Variants in CTDSP2 observed in about 807,000 individuals in gnomAD.
CTDSP2 encodes the protein CTD small phosphatase 2.
A neutral mutation model predicts 31.6 loss-of-function variants in CTDSP2; 9 were observed. The observed-to-expected ratio is 0.28, with a 90% CI of 0.17 to 0.50. The LOEUF (loss-of-function observed/expected upper bound fraction) is 0.50. Ranked by LOEUF, CTDSP2 falls within the 20% of genes least tolerant of loss-of-function variation. The probability of loss-of-function intolerance (pLI) is 0.98; values close to 1 mark genes in which losing one functional copy is unlikely to be tolerated. For synonymous variants in CTDSP2, 134 were observed against 134.5 expected (o/e 1.00, Z 0.03); for missense variants, 267 against 348.5 (o/e 0.77, Z 1.86).
intron 3 of CTDSP2, 64 bp downstream of exon 3, chr12:57,827,488 C>T (rs779954557): frequency 6.5e-6 from 10 of 1,549,972 alleles, no homozygotes; most frequent in South Asian, 3.3e-5. Context: ...TCACCCTGCC[C>T]GTGGAGCTGG....
At position 57,829,518 on chromosome 12, in the gene CTDSP2, T is replaced by C. The variant is rs1242585123; in HGVS notation, c.143A>G (p.Gln48Arg). 2 of 1,614,170 alleles carry C rather than the reference T, an allele frequency of 1.2e-6. No homozygotes were observed. Among genetic ancestry groups the C allele is most frequent in the Non-Finnish European group, 8.5e-7 (1 of 1,180,026 alleles). The stretch of plus-strand genomic sequence containing the variant: ...GGAGGAACTTGACTGGCCAACATGC[T>C]GGGCGCGAAAACAGCAGAAAAGGGC... Reference protein sequence around the residue: ...FKALFCCFRAQHVGQSSSSTE... With the variant: ...FKALFCCFRARHVGQSSSSTE... Residue 48 changes from glutamine to arginine, a missense_variant, in exon 2 of 8, where the codon CAG becomes CGG. Physicochemically the swap from Gln to Arg is conservative, Grantham distance 43. Transcript: ENST00000398073.
rs1956136700 is a variant in CTDSP2 at position 57,820,294 on chromosome 12, T to C, written c.*3308A>G. ...CCTCTTCCCTGGCTGAATGTAAATA[T>C]TTACCAGCATTTAGAAAAAAGGAGA... On this transcript the variant is annotated 3_prime_UTR_variant, in exon 8 of 8. Coordinates refer to ENST00000398073, the MANE Select transcript of CTDSP2 (RefSeq NM_005730.4). The C allele has an allele frequency of 1.3e-5, 2 of 152,304 alleles. No individual in the cohort carries two copies. The highest frequency in any genetic ancestry group is 1.3e-4 in the Admixed American group (2 of 15,298). The allele number at this position is 152,304 out of a possible 1,614,324, so 9.4% of individuals were successfully genotyped here.
rs769447012 is a variant in CTDSP2 at position 57,824,259 on chromosome 12, C to T, written c.472G>A (p.Glu158Lys). The T allele has an allele frequency of 3.7e-6, 6 of 1,614,094 alleles. No individual in the cohort carries two copies. Among genetic ancestry groups the T allele is most frequent in the Non-Finnish European group, 4.2e-6 (5 of 1,179,996 alleles). The change falls in exon 6 of 8, where the codon GAA becomes AAA. Residue 158 changes from glutamate (E) to lysine (K), a missense_variant. Transcript: ENST00000398073. Reference sequence around the variant, plus strand: ...AGGCTGGCAGTGAAGAGAACACATTCAAAGAGTTCCCCCATGCGTCTCAGG... The same window carrying T: ...AGGCTGGCAGTGAAGAGAACACATTTAAAGAGTTCCCCCATGCGTCTCAGG... ...EFLRRMGELF[E>K]CVLFTASLAK...
chr12:57,823,840 G>A (rs559628565), intron 7 of CTDSP2, 64 bp downstream of exon 7: 2 of 1,607,716 alleles, frequency 1.2e-6, no homozygotes, highest in Admixed American at 3.3e-5. Context: ...CTCTGGTGGA[G>A]CCCACAGTTC....
chr12:57,822,293 T>TGA lies in CTDSP2; in HGVS notation c.*1308_*1309insTC, dbSNP rs1956151448. The TGA allele has an allele frequency of 6.6e-6, 1 of 152,282 alleles. No homozygotes were observed. The highest frequency in any genetic ancestry group is 2.4e-5 in the African/African-American group (1 of 41,454). 9.4% of individuals were successfully genotyped at this position (152,282 alleles called of 1,614,324 possible). A position where few individuals can be genotyped will look rare whatever the true frequency, so the allele number is the denominator to read the frequency against. On this transcript the variant is annotated 3_prime_UTR_variant, in exon 8 of 8. Transcript: ENST00000398073. ...ACTTTAATTTTAAAGCATTCACTAT[T>TGA]AAGAACCTTTGAAAGCAGGAGACAC...
chr12:57,826,481 G>A, intron 4 of CTDSP2, 79 bp from the exon 5 acceptor site: 6 of 1,393,342 alleles, frequency 4.3e-6, no homozygotes, highest in Non-Finnish European at 6.1e-6. Context: ...AGGTGGGTGG[G>A]GAGAAACAGG....
chr12:57,835,472 T>C (rs1273469692), intron 1 of CTDSP2, among the ~76,000 whole-genome samples: 1 of 152,174 alleles, frequency 6.6e-6, no homozygotes, highest in African/African-American at 2.4e-5. Context: ...AGGAAATTCA[T>C]TGCACATGGT....
intron 7 of CTDSP2, 27 bp from the exon 8 acceptor site, chr12:57,823,754 T>C (rs1204001063): frequency 1.2e-6 from 2 of 1,613,012 alleles, no homozygotes; most frequent in African/African-American, 2.7e-5. Context: ...GTGGTGTCAA[T>C]CTCCCGACTG....
Position 57,820,346 on chromosome 12 carries a change from G to C in CTDSP2, c.*3256C>G, listed in dbSNP as rs545842601. 2.0e-5 allele frequency: 3 copies of C among 152,318 alleles called. No individual in the cohort carries two copies. Among genetic ancestry groups the C allele is most frequent in the Admixed American group, 2.0e-4 (3 of 15,298 alleles). 9.4% of individuals were successfully genotyped at this position (152,318 alleles called of 1,614,324 possible). On this transcript the variant is annotated 3_prime_UTR_variant, in exon 8 of 8. Transcript: ENST00000398073. The stretch of plus-strand genomic sequence containing the variant: ...AAAAGACAGAACTAAACCCGTTTAG[G>C]AAAAAGGGACCGAGGGACAGCAGTG...
chr12:57,830,643 A>G (rs1427114234), intron 1 of CTDSP2, among the ~76,000 whole-genome samples: 1 of 152,168 alleles, frequency 6.6e-6, no homozygotes, highest in African/African-American at 2.4e-5. Context: ...TAGAACACAC[A>G]TTCGCAGCCT....
chr12:57,826,311 CCTCT>C (rs1595187629), intron 5 of CTDSP2, 31 bp downstream of exon 5: 1 of 1,607,426 alleles, frequency 6.2e-7, no homozygotes, highest in East Asian at 2.2e-5. Flanking sequence ...GACCCCCCAC[CCTCT>C]GGGCTGGGTG....
At chr12:57,824,546 G>A in intron 5 of CTDSP2, 1 of 667,778 alleles carries the variant, frequency 1.5e-6, no homozygotes, top group South Asian at 1.5e-5. Flanking sequence ...CCTCAACCTG[G>A]CTCAGGAAGA....
Position 57,820,407 on chromosome 12 carries a change from G to T in CTDSP2, c.*3195C>A, listed in dbSNP as rs1005623220. The T allele has an allele frequency of 7.2e-5, 11 of 152,202 alleles. No homozygotes were observed. The highest frequency in any genetic ancestry group is 1.5e-4 in the Non-Finnish European group (10 of 68,044). The allele number at this position is 152,202 out of a possible 1,614,324, so 9.4% of individuals were successfully genotyped here. A position where few individuals can be genotyped will look rare whatever the true frequency, so the allele number is the denominator to read the frequency against. On this transcript the variant is annotated 3_prime_UTR_variant, in exon 8 of 8. Transcript: ENST00000398073. ...CCACTGAGGACCTGAAGGGGAAAAT[G>T]GACTTACCTTTCTCATATACTTGGC...
At position 57,846,522 on chromosome 12, in the gene CTDSP2, C is replaced by T. The variant is rs977973946; in HGVS notation, c.-87G>A. ...TGGGCTGGGGGGCCTGGGCGGGGGC[C>T]CGCTCCGGCTCCCGAGACTCCGACT... On this transcript the variant is annotated 5_prime_UTR_variant, in exon 1 of 8. Coordinates refer to ENST00000398073, the MANE Select transcript of CTDSP2 (RefSeq NM_005730.4). 1.1e-5 allele frequency: 12 copies of T among 1,109,398 alleles called. 1 individual carries two copies. The East Asian group carries it at 3.4e-4, about 31-fold the overall frequency. 68.7% of individuals were successfully genotyped at this position (1,109,398 alleles called of 1,614,324 possible).
chr12:57,824,636 A>G (rs1386005710), intron 5 of CTDSP2: 1 of 569,764 alleles, frequency 1.8e-6, no homozygotes, highest in Admixed American at 1.9e-5. Flanking sequence ...AGTAATCAAG[A>G]ATAGGCCTCA....
intron 1 of CTDSP2, among the ~76,000 whole-genome samples, chr12:57,840,370 G>GT (rs761906974): frequency 8.1e-4 from 123 of 152,294 alleles, no homozygotes; most frequent in Admixed American, 1.2e-3. Flanking sequence ...TCTCCCCACC[G>GT]TACCTGACTG....
In CTDSP2 at chr12:57,823,881, G is replaced by A. The variant is rs1040559286; in HGVS notation, c.690+23C>T. The A allele has an allele frequency of 3.1e-6, 5 of 1,613,006 alleles. No individual in the cohort carries two copies. In the African/African-American group the frequency reaches 6.7e-5, roughly 22 times the overall value. On this transcript the variant is annotated intron_variant, in intron 7 of 7. Transcript: ENST00000398073. ...TGCTTCCTCTCCCAATCCCTACCGT[G>A]GAGACGCATCAGGAGCACTCACTGC...
intron 2 of CTDSP2, among the ~76,000 whole-genome samples, chr12:57,828,125 C>T: frequency 6.6e-6 from 1 of 152,110 alleles, no homozygotes; most frequent in East Asian, 1.9e-4. Flanking sequence ...TTTGCTAATA[C>T]AAATGTTATG....
intron 1 of CTDSP2, among the ~76,000 whole-genome samples, chr12:57,840,342 C>T (rs1311913520): frequency 1.3e-5 from 2 of 152,192 alleles, no homozygotes; most frequent in Admixed American, 6.5e-5. Context: ...GCAATTCAGC[C>T]AAAGTCCCCT....
Sources: allele counts gnomAD v4.1 joint callset (sites outside exome capture counted in the v4.1 genomes callset), GRCh38; gene constraint gnomAD v4.1.1; transcripts MANE v1.5; gene names NCBI Gene and HGNC (gene_info 2026-07-23, HGNC 2026-07-21).